RSU1: variants seen among roughly 807,000 people sequenced by gnomAD.
RSU1 encodes the protein rsu-1.
In RSU1, 26 loss-of-function variants were observed where a neutral mutation model predicts 31.1. The observed-to-expected ratio is 0.84, with a 90% CI of 0.61 to 1.16. RSU1 has a LOEUF of 1.16. Among genes scored for constraint, RSU1 ranks in the 50% most tolerant of loss-of-function variants. RSU1 has a pLI of 0.00. For missense variants in RSU1, 320 were observed against 339.1 expected (o/e 0.94, Z 0.44); for synonymous variants, 164 against 136.3 (o/e 1.20, Z -1.41).
rs1838479447 is a variant in RSU1 at position 16,814,432 on chromosome 10, A to T, written c.109+2541T>A. On this transcript the variant is annotated intron_variant, in intron 2 of 8. Transcript: ENST00000345264. The stretch of plus-strand genomic sequence containing the variant: ...CACTGCATTCCAGCCTGGGTGACAG[A>T]GCGAGACCCTGTTTTCAGGAAAAAA... 4.9e-5 allele frequency among the ~76,000 whole-genome samples: 7 copies of T among 143,870 alleles called. 1 individual carries two copies. In the Admixed American group the frequency reaches 5.1e-4, roughly 11 times the overall value. The allele number at this position is 143,870 out of a possible 152,430, so 94.4% of individuals were successfully genotyped here. A position where few individuals can be genotyped will look rare whatever the true frequency, so the allele number is the denominator to read the frequency against.
Position 16,776,540 on chromosome 10 carries a change from C to T in RSU1, c.160+5494G>A, listed in dbSNP as rs370957573. ...CCATAAAACTTAGGTTTACTACCTG[C>T]CTGGCCATTTCCGATGCATTAAATG... On this transcript the variant is annotated intron_variant, in intron 3 of 8. Coordinates refer to ENST00000345264, the MANE Select transcript of RSU1 (RefSeq NM_012425.4). Among the ~76,000 whole-genome samples, 9 of 151,532 alleles carry T rather than the reference C, an allele frequency of 5.9e-5. No individual in the cohort carries two copies. The East Asian group carries it at 1.5e-3, about 26-fold the overall frequency.
chr10:16,782,883 CGTGT>C (rs138836348), intron 2 of RSU1, among the ~76,000 whole-genome samples: 4 of 150,608 alleles, frequency 2.7e-5, no homozygotes, highest in Non-Finnish European at 4.4e-5. Context: ...TGCATATACA[CGTGT>C]GTGTGTGTAT....
intron 2 of RSU1, among the ~76,000 whole-genome samples, chr10:16,797,783 A>G (rs937261300): frequency 5.3e-5 from 8 of 152,148 alleles, no homozygotes; most frequent in Non-Finnish European, 8.8e-5. Context: ...AGCTAAATTC[A>G]AAGACATATA....
At chr10:16,761,495 T>C (rs377381831) in intron 4 of RSU1, among the ~76,000 whole-genome samples, 18 of 152,050 alleles carry the variant, frequency 1.2e-4, no homozygotes, top group African/African-American at 3.4e-4. Context: ...CCTCACACTT[T>C]ATACTCAACA....
At chr10:16,620,904 T>C (rs1041772631) in intron 8 of RSU1, among the ~76,000 whole-genome samples, 1 of 151,786 alleles carries the variant, frequency 6.6e-6, no homozygotes, top group African/African-American at 2.4e-5. Context: ...AATTCCTCCC[T>C]CTCTTCTTTC....
At chr10:16,792,641 A>G (rs1164422997) in intron 2 of RSU1, among the ~76,000 whole-genome samples, 1 of 152,240 alleles carries the variant, frequency 6.6e-6, no homozygotes, top group African/African-American at 2.4e-5. Flanking sequence ...AGGCTGCACT[A>G]TTCCAATTCT....
chr10:16,793,994 C>T (rs766653894), intron 2 of RSU1, among the ~76,000 whole-genome samples: 9 of 152,132 alleles, frequency 5.9e-5, no homozygotes, highest in Non-Finnish European at 7.4e-5. Context: ...ATTCATTGAG[C>T]GCCTCAATAG....
chr10:16,595,540 A>G (rs1833596821), intron 8 of RSU1, among the ~76,000 whole-genome samples: 1 of 152,234 alleles, frequency 6.6e-6, no homozygotes, highest in Non-Finnish European at 1.5e-5. Flanking sequence ...TTTTGCATCA[A>G]GAAGTTTCCA....
intron 8 of RSU1, among the ~76,000 whole-genome samples, chr10:16,628,519 T>A (rs1159466702): frequency 6.6e-6 from 1 of 152,246 alleles, no homozygotes; most frequent in African/African-American, 2.4e-5. Context: ...GTTCACTTAT[T>A]AGTTAGAATA....
At chr10:16,770,016 A>G (rs2131636543) in intron 3 of RSU1, among the ~76,000 whole-genome samples, 1 of 152,270 alleles carries the variant, frequency 6.6e-6, no homozygotes, top group Middle Eastern at 3.4e-3. Flanking sequence ...TCAGTGGCAA[A>G]TTCATCATGA....
intron 3 of RSU1, among the ~76,000 whole-genome samples, chr10:16,775,325 C>CA (rs1415623388): frequency 6.6e-6 from 1 of 152,158 alleles, no homozygotes; most frequent in Non-Finnish European, 1.5e-5. Flanking sequence ...GACAGGCTTA[C>CA]ACTCCCCCGT....
At chr10:16,799,376 C>G (rs1330835004) in intron 2 of RSU1, among the ~76,000 whole-genome samples, 1 of 152,174 alleles carries the variant, frequency 6.6e-6, no homozygotes, top group Non-Finnish European at 1.5e-5. Context: ...AATCTAGAGA[C>G]AGGCAAACAC....
intron 7 of RSU1, among the ~76,000 whole-genome samples, chr10:16,747,648 GAT>G (rs1836882088): frequency 6.6e-6 from 1 of 152,154 alleles, no homozygotes; most frequent in South Asian, 2.1e-4. Context: ...GGATTGCAAT[GAT>G]AGTCTCCTAT....
Position 16,752,606 on chromosome 10 carries a change from C to T in RSU1, c.531G>A (p.Gly177=), listed in dbSNP as rs772010319. 1.2e-6 allele frequency: 2 copies of T among 1,614,150 alleles called. No individual in the cohort carries two copies. The highest frequency in any genetic ancestry group is 1.1e-5 in the South Asian group (1 of 91,086). The change falls in exon 7 of 9, where the codon GGG becomes GGA. Residue 177 remains glycine (G), a synonymous_variant. Coordinates refer to ENST00000345264, the MANE Select transcript of RSU1 (RefSeq NM_012425.4). The part of the protein sequence containing the change: ...NDLISLPKEI[G]ELTQLKELHI... ...GGAGCTCTTTAAGCTGGGTAAGCTC[C>T]CCGATTTCCTTAGGCAGCGAGATCA...
At chr10:16,667,042 A>C (rs2131532979) in intron 8 of RSU1, among the ~76,000 whole-genome samples, 1 of 151,884 alleles carries the variant, frequency 6.6e-6, no homozygotes, top group South Asian at 2.1e-4. Context: ...CAACAACAAC[A>C]ACAACAACAA....
In RSU1 at chr10:16,639,774, T is replaced by C. The variant is rs535266487; in HGVS notation, c.732-46278A>G. On this transcript the variant is annotated intron_variant, in intron 8 of 8. Coordinates refer to ENST00000345264, the MANE Select transcript of RSU1 (RefSeq NM_012425.4). ...CAATATTGGCATCCTAAGAATTTGT[T>C]CAGGTTTTTCCTATTGCATCTATCT... Among the ~76,000 whole-genome samples, 349 of 152,322 alleles carry C rather than the reference T, an allele frequency of 2.3e-3. 1 individual carries two copies. The highest frequency in any genetic ancestry group is 1.5e-3 in the Non-Finnish European group (101 of 68,030).
At chr10:16,619,312 T>C (rs1345839375) in intron 8 of RSU1, among the ~76,000 whole-genome samples, 1 of 152,188 alleles carries the variant, frequency 6.6e-6, no homozygotes, top group East Asian at 1.9e-4. Flanking sequence ...CACAGTCTTC[T>C]CCACGTGGTT....
intron 7 of RSU1, among the ~76,000 whole-genome samples, chr10:16,697,087 C>T (rs888394040): frequency 2.6e-5 from 4 of 151,872 alleles, no homozygotes; most frequent in African/African-American, 4.8e-5. Flanking sequence ...TCTGATGTGT[C>T]GTATTTTATG....
rs543445154 is a variant in RSU1, at chr10:16,810,506, T to C, written c.109+6467A>G. On this transcript the variant is annotated intron_variant, in intron 2 of 8. Coordinates refer to ENST00000345264, the MANE Select transcript of RSU1 (RefSeq NM_012425.4). ...CTATGCACAGCTCTGAACTCGCCAGTGTGTGGCAACGGCTGTTCCTCTTGA... is the reference window on the plus strand; with the variant it reads ...CTATGCACAGCTCTGAACTCGCCAGCGTGTGGCAACGGCTGTTCCTCTTGA... Among the ~76,000 whole-genome samples the C allele has an allele frequency of 5.3e-5, 8 of 152,154 alleles. No homozygotes were observed. The South Asian group carries it at 1.5e-3, about 28-fold the overall frequency.
Sources: allele counts gnomAD v4.1 joint callset (sites outside exome capture counted in the v4.1 genomes callset), GRCh38; gene constraint gnomAD v4.1.1; transcripts MANE v1.5; gene names NCBI Gene and HGNC (gene_info 2026-07-23, HGNC 2026-07-21).